The following CCDC85B variants were observed in gnomAD, a reference collection of about 807,000 sequenced individuals.
CCDC85B encodes the protein coiled-coil domain-containing protein 85B.
Under a neutral mutation model 13.6 loss-of-function variants are expected in CCDC85B, and 8 were observed. That is an observed-to-expected ratio of 0.59 (90% CI 0.35 to 1.06). The LOEUF is 1.06. Ranked by LOEUF, CCDC85B falls within the 50% of genes least tolerant of loss-of-function variation. The probability of loss-of-function intolerance (pLI) is 0.02; values close to 1 mark genes in which losing one functional copy is unlikely to be tolerated. For synonymous variants in CCDC85B, 118 were observed against 135.9 expected (o/e 0.87, Z 0.92); for missense variants, 217 against 285.9 (o/e 0.76, Z 1.74).
Position 65,891,052 on chromosome 11 carries a change from G to A in CCDC85B, c.269G>A (p.Arg90His). Residue 90 changes from arginine to histidine, a missense_variant, in exon 1 of 1, where the codon CGC becomes CAC. Coordinates refer to ENST00000312579, the MANE Select transcript of CCDC85B (RefSeq NM_006848.3). The surrounding 1 kb of genome is among the most constrained non-coding windows in gnomAD (Gnocchi z 7.3). ...TGCTTCCTGGACTCGGAGCGCCAGC[G>A]CGGGCGGCGCGCCGCACGCCAGTGG... The part of the protein sequence containing the change: ...LCCFLDSERQ[R>H]GRRAARQWQL... The A allele has an allele frequency of 6.5e-7, 1 of 1,542,572 alleles. No individual in the cohort carries two copies. The highest frequency in any genetic ancestry group is 2.4e-5 in the East Asian group (1 of 40,856).
rs768617903 is a variant in CCDC85B at position 65,891,378 on chromosome 11, T to G, written c.595T>G (p.Ser199Ala). The change falls in exon 1 of 1, where the codon TCC becomes GCC. Residue 199 changes from serine to alanine, a missense_variant. Coordinates refer to ENST00000312579, the MANE Select transcript of CCDC85B (RefSeq NM_006848.3). The surrounding 1 kb of genome is among the most constrained non-coding windows in gnomAD (Gnocchi z 7.3). ...GSPDQLPLAC[S>A]PDD ...TCCGGATCAGTTGCCCCTGGCCTGT[T>G]CCCCCGATGATTGAAGGCACTGCTT... 6.3e-7 allele frequency: 1 copy of G among 1,581,492 alleles called. No homozygotes were observed. Among genetic ancestry groups the G allele is most frequent in the East Asian group, 2.4e-5 (1 of 41,256 alleles).
In CCDC85B at chr11:65,890,903, G is replaced by C. The variant is rs1860375108; in HGVS notation, c.120G>C (p.Val40=). The stretch of plus-strand genomic sequence containing the variant: ...AGGCGGCGCGCCTGGCGGCACTGGT[G>C]CAGCGCGGCCGCCTCATGCAGGAGG... ...REEAARLAAL[V]QRGRLMQEVN... is the part of the protein sequence containing the mutation. The change falls in exon 1 of 1, where the codon GTG becomes GTC. Residue 40 remains valine, a synonymous_variant. Coordinates refer to ENST00000312579, the MANE Select transcript of CCDC85B (RefSeq NM_006848.3). The C allele has an allele frequency of 6.5e-7, 1 of 1,529,446 alleles. No homozygotes were observed. Among genetic ancestry groups the C allele is most frequent in the South Asian group, 1.2e-5 (1 of 83,454 alleles). 94.7% of individuals were successfully genotyped at this position (1,529,446 alleles called of 1,614,324 possible). A position where few individuals can be genotyped will look rare whatever the true frequency, so the allele number is the denominator to read the frequency against.
Position 65,890,736 on chromosome 11 carries a change from C to T in CCDC85B, c.-48C>T, listed in dbSNP as rs1231003817. On this transcript the variant is annotated 5_prime_UTR_variant, in exon 1 of 1. Coordinates refer to ENST00000312579, the MANE Select transcript of CCDC85B (RefSeq NM_006848.3). Reference sequence around the variant, plus strand: ...GTGGCGCCGGGCCCGACGTGGGGCTCCTGGGCCGCGGCGGCGGGCGGGCGA... The same window carrying T: ...GTGGCGCCGGGCCCGACGTGGGGCTTCTGGGCCGCGGCGGCGGGCGGGCGA... 1.5e-6 allele frequency: 2 copies of T among 1,369,410 alleles called. No homozygotes were observed. The highest frequency in any genetic ancestry group is 1.9e-6 in the Non-Finnish European group (2 of 1,068,954). The allele number at this position is 1,369,410 out of a possible 1,614,324, so 84.8% of individuals were successfully genotyped here. A position where few individuals can be genotyped will look rare whatever the true frequency, so the allele number is the denominator to read the frequency against.
In CCDC85B at chr11:65,890,682, C is replaced by A. The variant is rs2134783310; in HGVS notation, c.-102C>A. The A allele has an allele frequency of 7.9e-7, 1 of 1,270,728 alleles. No individual in the cohort carries two copies. The highest frequency in any genetic ancestry group is 2.2e-5 in the South Asian group (1 of 45,290). The allele number at this position is 1,270,728 out of a possible 1,614,324, so 78.7% of individuals were successfully genotyped here. On this transcript the variant is annotated 5_prime_UTR_variant, in exon 1 of 1. Coordinates refer to ENST00000312579, the MANE Select transcript of CCDC85B (RefSeq NM_006848.3). ...CCTACGCTGCCTCGGCCACTGCCTG[C>A]CGCGTGCGGAGCCGGAGCCCGAGCC...
Position 65,891,209 on chromosome 11 carries a change from G to A in CCDC85B, c.426G>A (p.Leu142=), listed in dbSNP as rs1860379854. The A allele has an allele frequency of 2.0e-6, 3 of 1,512,426 alleles. No individual in the cohort carries two copies. The highest frequency in any genetic ancestry group is 2.6e-6 in the Non-Finnish European group (3 of 1,133,820). 93.7% of individuals were successfully genotyped at this position (1,512,426 alleles called of 1,614,324 possible). A position where few individuals can be genotyped will look rare whatever the true frequency, so the allele number is the denominator to read the frequency against. ...RENLALKELC[L]ALGEEWGPRG... ...ACCTAGCGCTTAAGGAGCTCTGCCT[G>A]GCGCTGGGCGAAGAATGGGGCCCCC... The change falls in exon 1 of 1, where the codon CTG becomes CTA. Residue 142 remains leucine (L), a synonymous_variant. Coordinates refer to ENST00000312579, the MANE Select transcript of CCDC85B (RefSeq NM_006848.3). This position sits in a 1 kb window ranked among gnomAD's most constrained non-coding sequence, Gnocchi z 7.3.
Position 65,890,715 on chromosome 11 carries a change from C to T in CCDC85B, c.-69C>T, listed in dbSNP as rs1860370911. 7.4e-7 allele frequency: 1 copy of T among 1,347,682 alleles called. No individual in the cohort carries two copies. Among genetic ancestry groups the T allele is most frequent in the African/African-American group, 1.5e-5 (1 of 64,794 alleles). The allele number at this position is 1,347,682 out of a possible 1,614,324, so 83.5% of individuals were successfully genotyped here. On this transcript the variant is annotated 5_prime_UTR_variant, in exon 1 of 1. Transcript: ENST00000312579. ...GGAGCCGGAGCCCGAGCCTGAGTGG[C>T]GCCGGGCCCGACGTGGGGCTCCTGG... is the stretch of plus-strand genomic sequence containing the variant.
In CCDC85B at chr11:65,890,709, G is replaced by C. The variant is rs1860370836; in HGVS notation, c.-75G>C. ...GCGTGCGGAGCCGGAGCCCGAGCCT[G>C]AGTGGCGCCGGGCCCGACGTGGGGC... On this transcript the variant is annotated 5_prime_UTR_variant, in exon 1 of 1. Coordinates refer to ENST00000312579, the MANE Select transcript of CCDC85B (RefSeq NM_006848.3). The C allele has an allele frequency of 2.1e-5, 28 of 1,342,006 alleles. No individual in the cohort carries two copies. The South Asian group carries it at 4.4e-4, about 21-fold the overall frequency. 83.1% of individuals were successfully genotyped at this position (1,342,006 alleles called of 1,614,324 possible).
Position 65,891,553 on chromosome 11 carries a change from C to A in CCDC85B, c.*161C>A. On this transcript the variant is annotated 3_prime_UTR_variant, in exon 1 of 1. Coordinates refer to ENST00000312579, the MANE Select transcript of CCDC85B (RefSeq NM_006848.3). The surrounding 1 kb of genome is among the most constrained non-coding windows in gnomAD (Gnocchi z 7.3). Reference sequence around the variant, plus strand: ...AAGAAGGGCCCCTCGCTCTTGCTGGCAGGGCAGCAGGGGGACTGAAGGCTG... The same window carrying A: ...AAGAAGGGCCCCTCGCTCTTGCTGGAAGGGCAGCAGGGGGACTGAAGGCTG... 1.3e-6 allele frequency: 1 copy of A among 759,568 alleles called. No individual in the cohort carries two copies. Among genetic ancestry groups the A allele is most frequent in the South Asian group, 2.8e-5 (1 of 35,398 alleles). The allele number at this position is 759,568 out of a possible 1,614,324, so 47.1% of individuals were successfully genotyped here. A position where few individuals can be genotyped will look rare whatever the true frequency, so the allele number is the denominator to read the frequency against.
chr11:65,891,017 C>T lies in CCDC85B; in HGVS notation c.234C>T (p.Arg78=), dbSNP rs773817574. The change falls in exon 1 of 1, where the codon CGC becomes CGT. Residue 78 remains arginine (R), a synonymous_variant. Transcript: ENST00000312579. The surrounding 1 kb of genome is among the most constrained non-coding windows in gnomAD (Gnocchi z 7.3). ...RRLQAENREL[R]DLCCFLDSER... ...TGCAGGCAGAGAACCGTGAGCTGCGCGACCTCTGCTGCTTCCTGGACTCGG... is the reference window on the plus strand; with the variant it reads ...TGCAGGCAGAGAACCGTGAGCTGCGTGACCTCTGCTGCTTCCTGGACTCGG... 23 of 1,540,342 alleles carry T rather than the reference C, an allele frequency of 1.5e-5. No homozygotes were observed. In the African/African-American group the frequency reaches 2.5e-4, roughly 17 times the overall value.
At position 65,891,398 on chromosome 11, in the gene CCDC85B, C is replaced by T; in HGVS notation, c.*6C>T. 1 of 1,557,598 alleles carries T rather than the reference C, an allele frequency of 6.4e-7. No individual in the cohort carries two copies. ...CCTGTTCCCCCGATGATTGAAGGCA[C>T]TGCTTCCTCCACGCCGACGCCCGCC... is the stretch of plus-strand genomic sequence containing the variant. On this transcript the variant is annotated 3_prime_UTR_variant, in exon 1 of 1. Coordinates refer to ENST00000312579, the MANE Select transcript of CCDC85B (RefSeq NM_006848.3). The surrounding 1 kb of genome is among the most constrained non-coding windows in gnomAD (Gnocchi z 7.3).
Position 65,890,752 on chromosome 11 carries a change from G to A in CCDC85B, c.-32G>A. On this transcript the variant is annotated 5_prime_UTR_variant, in exon 1 of 1. Transcript: ENST00000312579. ...CGTGGGGCTCCTGGGCCGCGGCGGC[G>A]GGCGGGCGATGCTCCAGAGGCCTGA... The A allele has an allele frequency of 7.3e-7, 1 of 1,370,836 alleles. No individual in the cohort carries two copies. The highest frequency in any genetic ancestry group is 9.4e-7 in the Non-Finnish European group (1 of 1,069,514). The allele number at this position is 1,370,836 out of a possible 1,614,324, so 84.9% of individuals were successfully genotyped here.
chr11:65,891,166 A>G lies in CCDC85B; in HGVS notation c.383A>G (p.Glu128Gly). The change falls in exon 1 of 1, where the codon GAG (glutamate) becomes GGG (glycine). Residue 128 changes from glutamate to glycine, a missense_variant. Transcript: ENST00000312579. The surrounding 1 kb of genome is among the most constrained non-coding windows in gnomAD (Gnocchi z 7.3). The part of the protein sequence containing the change: ...QKLAELEGRQ[E>G]ELLRENLALK... Reference sequence around the variant, plus strand: ...CTGGCCGAGCTGGAGGGCCGCCAGGAGGAGCTGCTGCGGGAGAACCTAGCG... The same window carrying G: ...CTGGCCGAGCTGGAGGGCCGCCAGGGGGAGCTGCTGCGGGAGAACCTAGCG... 6.5e-7 allele frequency: 1 copy of G among 1,550,344 alleles called. No homozygotes were observed. The highest frequency in any genetic ancestry group is 2.4e-5 in the East Asian group (1 of 41,528).
In CCDC85B at chr11:65,891,256, G is replaced by C; in HGVS notation, c.473G>C (p.Gly158Ala). 1 of 1,528,012 alleles carries C rather than the reference G, an allele frequency of 6.5e-7. No individual in the cohort carries two copies. Among genetic ancestry groups the C allele is most frequent in the Non-Finnish European group, 8.8e-7 (1 of 1,140,844 alleles). The allele number at this position is 1,528,012 out of a possible 1,614,324, so 94.7% of individuals were successfully genotyped here. ...CCCCGCGGCGGCCCCAGCGGCGCCG[G>C]GGGATCAGGAGCCGGGCCAGCACCC... Reference protein sequence around the residue: ...WGPRGGPSGAGGSGAGPAPEL... With the variant: ...WGPRGGPSGAAGSGAGPAPEL... Residue 158 changes from glycine to alanine, a missense_variant, in exon 1 of 1, where the codon GGG (glycine) becomes GCG (alanine). Physicochemically the swap from Gly to Ala is moderately conservative, Grantham distance 60. Transcript: ENST00000312579. The surrounding 1 kb of genome is among the most constrained non-coding windows in gnomAD (Gnocchi z 7.3).
At position 65,891,461 on chromosome 11, in the gene CCDC85B, C is replaced by T; in HGVS notation, c.*69C>T. On this transcript the variant is annotated 3_prime_UTR_variant, in exon 1 of 1. Coordinates refer to ENST00000312579, the MANE Select transcript of CCDC85B (RefSeq NM_006848.3). This position sits in a 1 kb window ranked among gnomAD's most constrained non-coding sequence, Gnocchi z 7.3. The stretch of plus-strand genomic sequence containing the variant: ...CGAGCCCCGGGACCGCTGTGGACCT[C>T]GGGACCTGGACGCCGTCCTGGCTGC... 6.9e-7 allele frequency: 1 copy of T among 1,457,762 alleles called. No individual in the cohort carries two copies. Among genetic ancestry groups the T allele is most frequent in the South Asian group, 1.5e-5 (1 of 68,628 alleles). 90.3% of individuals were successfully genotyped at this position (1,457,762 alleles called of 1,614,324 possible).
Position 65,891,524 on chromosome 11 carries a change from C to A in CCDC85B, c.*132C>A. The A allele has an allele frequency of 9.8e-7, 1 of 1,019,226 alleles. No homozygotes were observed. Among genetic ancestry groups the A allele is most frequent in the Non-Finnish European group, 1.3e-6 (1 of 745,270 alleles). The allele number at this position is 1,019,226 out of a possible 1,614,324, so 63.1% of individuals were successfully genotyped here. A position where few individuals can be genotyped will look rare whatever the true frequency, so the allele number is the denominator to read the frequency against. On this transcript the variant is annotated 3_prime_UTR_variant, in exon 1 of 1. Coordinates refer to ENST00000312579, the MANE Select transcript of CCDC85B (RefSeq NM_006848.3). This position sits in a 1 kb window ranked among gnomAD's most constrained non-coding sequence, Gnocchi z 7.3. The stretch of plus-strand genomic sequence containing the variant: ...GCTGGCATGGACTAAGAAATCCTGA[C>A]ACCAAGAAGGGCCCCTCGCTCTTGC...
Position 65,890,931 on chromosome 11 carries a change from A to G in CCDC85B, c.148A>G (p.Asn50Asp). ...VQRGRLMQEV[N>D]RQLQGHLGEI... ...GCGCGGCCGCCTCATGCAGGAGGTG[A>G]ATCGGCAGCTGCAGGGCCACCTGGG... is the stretch of plus-strand genomic sequence containing the variant. Residue 50 changes from asparagine (N) to aspartate (D), a missense_variant, in exon 1 of 1, where the codon AAT becomes GAT. Coordinates refer to ENST00000312579, the MANE Select transcript of CCDC85B (RefSeq NM_006848.3). 1 of 1,529,448 alleles carries G rather than the reference A, an allele frequency of 6.5e-7. No homozygotes were observed. The allele number at this position is 1,529,448 out of a possible 1,614,324, so 94.7% of individuals were successfully genotyped here. A position where few individuals can be genotyped will look rare whatever the true frequency, so the allele number is the denominator to read the frequency against.
At position 65,891,485 on chromosome 11, in the gene CCDC85B, G is replaced by A; in HGVS notation, c.*93G>A. 7.3e-7 allele frequency: 1 copy of A among 1,363,082 alleles called. No homozygotes were observed. Among genetic ancestry groups the A allele is most frequent in the East Asian group, 2.9e-5 (1 of 34,768 alleles). 84.4% of individuals were successfully genotyped at this position (1,363,082 alleles called of 1,614,324 possible). ...TCGGGACCTGGACGCCGTCCTGGCT[G>A]CGCAGGAGGGGCCGCTGGCATGGAC... is the stretch of plus-strand genomic sequence containing the variant. On this transcript the variant is annotated 3_prime_UTR_variant, in exon 1 of 1. Transcript: ENST00000312579. The surrounding 1 kb of genome is among the most constrained non-coding windows in gnomAD (Gnocchi z 7.3).
chr11:65,890,675 C>A lies in CCDC85B; in HGVS notation c.-109C>A. 1 of 1,255,770 alleles carries A rather than the reference C, an allele frequency of 8.0e-7. No individual in the cohort carries two copies. The highest frequency in any genetic ancestry group is 1.0e-6 in the Non-Finnish European group (1 of 985,924). 77.8% of individuals were successfully genotyped at this position (1,255,770 alleles called of 1,614,324 possible). A position where few individuals can be genotyped will look rare whatever the true frequency, so the allele number is the denominator to read the frequency against. On this transcript the variant is annotated 5_prime_UTR_variant, in exon 1 of 1. In the 5' UTR this introduces an upstream ATG that the reference lacks. Transcript: ENST00000312579. ...GCTGCAGCCTACGCTGCCTCGGCCA[C>A]TGCCTGCCGCGTGCGGAGCCGGAGC... is the stretch of plus-strand genomic sequence containing the variant.
chr11:65,890,901 G>C lies in CCDC85B; in HGVS notation c.118G>C (p.Val40Leu). Residue 40 changes from valine to leucine, a missense_variant, in exon 1 of 1, where the codon GTG becomes CTG. Coordinates refer to ENST00000312579, the MANE Select transcript of CCDC85B (RefSeq NM_006848.3). ...REEAARLAALVQRGRLMQEVN... is the reference protein window; with the variant it reads ...REEAARLAALLQRGRLMQEVN... The stretch of plus-strand genomic sequence containing the variant: ...GGAGGCGGCGCGCCTGGCGGCACTG[G>C]TGCAGCGCGGCCGCCTCATGCAGGA... The C allele has an allele frequency of 6.5e-7, 1 of 1,529,482 alleles. No individual in the cohort carries two copies. The highest frequency in any genetic ancestry group is 1.2e-5 in the South Asian group (1 of 83,404). The allele number at this position is 1,529,482 out of a possible 1,614,324, so 94.7% of individuals were successfully genotyped here. A position where few individuals can be genotyped will look rare whatever the true frequency, so the allele number is the denominator to read the frequency against.
Sources: gnomAD v4.1 joint callset for allele counts on GRCh38, gnomAD v4.1.1 for gene constraint, Gnocchi (gnomAD v3.1) non-coding constraint, MANE v1.5 for transcripts, NCBI Gene and HGNC (gene_info 2026-07-23, HGNC 2026-07-21) for gene names.